GRIK2: variants seen among roughly 807,000 people sequenced by gnomAD.
The protein encoded by GRIK2 is glutamate ionotropic receptor kainate type subunit 2.
A neutral mutation model predicts 100.3 loss-of-function variants in GRIK2; 32 were observed. That is an observed-to-expected ratio of 0.32 (90% CI 0.24 to 0.43). GRIK2 has a LOEUF of 0.43. GRIK2 is among the 20% of genes least tolerant of loss of function. The pLI, the probability that GRIK2 is intolerant of heterozygous loss-of-function variation, is 1.00. For synonymous variants in GRIK2, 417 were observed against 389.4 expected, an observed-to-expected ratio of 1.07 and a Z score of -0.83; for missense variants, 843 against 1,114.9, an observed-to-expected ratio of 0.76 and a Z score of 3.47.
chr6:101,840,651 T>C (rs1236127287), intron 10 of GRIK2, among the ~76,000 whole-genome samples: 3 of 152,200 alleles, frequency 2.0e-5, no homozygotes, highest in Non-Finnish European at 4.4e-5. Context: ...ATTAGGCATA[T>C]TTCTTATTAG....
intron 4 of GRIK2, among the ~76,000 whole-genome samples, chr6:101,659,057 T>G (rs576452947): frequency 6.6e-6 from 1 of 152,342 alleles, no homozygotes; most frequent in Non-Finnish European, 1.5e-5. Flanking sequence ...ATTTTGGCTT[T>G]TGTTGCCATT....
intron 7 of GRIK2, among the ~76,000 whole-genome samples, chr6:101,722,375 G>A (rs1261733503): frequency 6.6e-6 from 1 of 151,926 alleles, no homozygotes; most frequent in Non-Finnish European, 1.5e-5. Context: ...TAATTATGAT[G>A]GCTTTATCTT....
chr6:101,790,383 C>G (rs1015442361), intron 7 of GRIK2, among the ~76,000 whole-genome samples: 1 of 152,146 alleles, frequency 6.6e-6, no homozygotes, highest in Non-Finnish European at 1.5e-5. Flanking sequence ...TACGTCACAT[C>G]AATTCCTAAT....
intron 12 of GRIK2, 48 bp downstream of exon 12, chr6:101,889,911 A>G (rs370812882): frequency 2.2e-5 from 21 of 963,850 alleles, no homozygotes; most frequent in Non-Finnish European, 3.4e-5. Context: ...TACCTCCTTT[A>G]TCTAACTAAT....
At position 102,000,276 on chromosome 6, in the gene GRIK2, C is replaced by CTTTTTTTTTTTTT. The variant is rs34370144; in HGVS notation, c.2086-35060_2086-35048dup. Among the ~76,000 whole-genome samples, 2 of 113,580 alleles carry CTTTTTTTTTTTTT rather than the reference C, an allele frequency of 1.8e-5. 1 individual carries two copies. Among genetic ancestry groups the CTTTTTTTTTTTTT allele is most frequent in the Non-Finnish European group, 3.7e-5 (2 of 54,352 alleles). 74.5% of individuals were successfully genotyped at this position (113,580 alleles called of 152,430 possible). A position where few individuals can be genotyped will look rare whatever the true frequency, so the allele number is the denominator to read the frequency against. ...GGCATAGAGTTTTCTTTGTTGAAGG[C>CTTTTTTTTTTTTT]TTTTTTTTTTTTTTTTTGATACGGA... On this transcript the variant is annotated intron_variant, in intron 14 of 16. Coordinates refer to ENST00000369134, the MANE Select transcript of GRIK2 (RefSeq NM_021956.5).
At chr6:101,723,840 C>G (rs1774663990) in intron 7 of GRIK2, among the ~76,000 whole-genome samples, 1 of 151,952 alleles carries the variant, frequency 6.6e-6, no homozygotes, top group Non-Finnish European at 1.5e-5. Context: ...ATTGTCATGT[C>G]TTATGGAGGA....
chr6:101,781,726 T>G (rs1168376331), intron 7 of GRIK2, among the ~76,000 whole-genome samples: 1 of 152,170 alleles, frequency 6.6e-6, no homozygotes, highest in Non-Finnish European at 1.5e-5. Flanking sequence ...GGATTTATGC[T>G]ATCTTATCCT....
At chr6:101,877,154 T>C (rs1232958876) in intron 11 of GRIK2, among the ~76,000 whole-genome samples, 1 of 151,906 alleles carries the variant, frequency 6.6e-6, no homozygotes, top group African/African-American at 2.4e-5. Flanking sequence ...CACACATATA[T>C]ATATGTTTAT....
chr6:101,717,021 A>G (rs1457998319), intron 7 of GRIK2, among the ~76,000 whole-genome samples: 3 of 151,896 alleles, frequency 2.0e-5, no homozygotes, highest in Non-Finnish European at 4.4e-5. Context: ...AAAAGTGTGT[A>G]AATTGATATG....
At chr6:101,900,468 T>A (rs74822487) in intron 12 of GRIK2, among the ~76,000 whole-genome samples, 14,481 of 152,090 alleles carry the variant, frequency 0.095, 838 homozygotes, top group Middle Eastern at 0.2. Flanking sequence ...CAACAACAAC[T>A]ACAAAATATA....
intron 1 of GRIK2, chr6:101,398,688 C>A (rs1775115927): frequency 4.2e-6 from 1 of 235,906 alleles, no homozygotes. Flanking sequence ...GCAATGTTCT[C>A]CCCATAAATA....
chr6:101,408,940 CA>C (rs1241325767), intron 2 of GRIK2, among the ~76,000 whole-genome samples: 3 of 152,060 alleles, frequency 2.0e-5, no homozygotes, highest in Admixed American at 6.5e-5. Flanking sequence ...ATGGCCAGAT[CA>C]AATGATTAAG....
intron 2 of GRIK2, among the ~76,000 whole-genome samples, chr6:101,500,955 A>ATTG (rs778206036): frequency 4.9e-4 from 75 of 151,602 alleles, no homozygotes; most frequent in Non-Finnish European, 9.4e-4. Context: ...TCTTATTAAT[A>ATTG]TTAACAGTAC....
At chr6:101,586,910 AAAAG>A (rs1353794651) in intron 2 of GRIK2, among the ~76,000 whole-genome samples, 1 of 150,312 alleles carries the variant, frequency 6.7e-6, no homozygotes, top group Non-Finnish European at 1.5e-5. Context: ...AAAAAAAAAA[AAAAG>A]AGAGATATCA....
At chr6:101,746,032 T>C (rs1776400882) in intron 7 of GRIK2, among the ~76,000 whole-genome samples, 1 of 152,230 alleles carries the variant, frequency 6.6e-6, no homozygotes, top group South Asian at 2.1e-4. Context: ...CCACGAGTTT[T>C]TCCTTATTGA....
intron 10 of GRIK2, among the ~76,000 whole-genome samples, chr6:101,858,386 C>CTTTTT (rs780526806): frequency 3.4e-4 from 31 of 91,662 alleles, no homozygotes; most frequent in Non-Finnish European, 4.8e-4. Context: ...ATTTTTTTTT[C>CTTTTT]TTTTTTTTTT....
chr6:101,914,737 T>G (rs564568801), intron 12 of GRIK2, among the ~76,000 whole-genome samples: 1 of 151,736 alleles, frequency 6.6e-6, no homozygotes, highest in Admixed American at 6.6e-5. Flanking sequence ...ATTATGAGTG[T>G]ATGATATCAG....
chr6:101,444,543 TATA>T (rs1470002771), intron 2 of GRIK2, among the ~76,000 whole-genome samples: 1 of 152,130 alleles, frequency 6.6e-6, no homozygotes, highest in Admixed American at 6.6e-5. Context: ...CTTTTAAAGG[TATA>T]ATGATTCAAG....
chr6:101,681,409 T>G (rs1771241048), intron 5 of GRIK2, among the ~76,000 whole-genome samples: 2 of 131,568 alleles, frequency 1.5e-5, no homozygotes, highest in African/African-American at 7.6e-5. Context: ...TTTCTATTTT[T>G]TTTTTTTTTT....
Sources: allele counts gnomAD v4.1 joint callset (sites outside exome capture counted in the v4.1 genomes callset), GRCh38; gene constraint gnomAD v4.1.1; transcripts MANE v1.5; gene names NCBI Gene and HGNC (gene_info 2026-07-23, HGNC 2026-07-21).